The following RP2 variants were observed in gnomAD, a reference collection of about 807,000 sequenced individuals.
RP2 encodes the protein protein XRP2.
A neutral mutation model predicts 20.3 loss-of-function variants in RP2; 3 were observed. The ratio of observed to expected loss-of-function variants is 0.15; its 90% CI spans 0.07 to 0.38. The LOEUF (loss-of-function observed/expected upper bound fraction) is 0.38. RP2 is among the 10% of genes least tolerant of loss of function. The pLI, the probability that RP2 is intolerant of heterozygous loss-of-function variation, is 1.00. For synonymous variants in RP2, 75 were observed against 94.8 expected (o/e 0.79, Z 1.22); for missense variants, 233 against 268.5 (o/e 0.87, Z 0.92).
Position 46,860,027 on chromosome X carries a change from G to A in RP2, c.808G>A (p.Val270Met), listed in dbSNP as rs1925035995. ...CTTTTTCCTAGTTCAGACAAAGGAA[G>A]TGTCCATGAAAGCTGAGGATGCTCA... The part of the protein sequence containing the change: ...KGFFLVQTKE[V>M]SMKAEDAQRV... Residue 270 changes from valine (V) to methionine (M), a missense_variant, in exon 3 of 5, where the codon GTG (valine) becomes ATG (methionine). Physicochemically the swap from Val to Met is conservative, Grantham distance 21 (BLOSUM62 1). This residue lies in a region of RP2 where 118 missense variants were observed against 123.8 expected (regional missense o/e 0.95). Transcript: ENST00000218340. The A allele has an allele frequency of 2.5e-6, 3 of 1,210,871 alleles. No individual in the cohort carries two copies. Among genetic ancestry groups the A allele is most frequent in the South Asian group, 1.8e-5 (1 of 56,940 alleles).
chrX:46,856,136 T>TA (rs782813919), intron 2 of RP2, among the ~76,000 whole-genome samples: 156 of 110,685 alleles, frequency 1.4e-3, no homozygotes, highest in Non-Finnish European at 2.5e-3. Flanking sequence ...TATGGTGATT[T>TA]AAAAAAAAAC....
At chrX:46,843,239 C>T (rs992018241) in intron 1 of RP2, among the ~76,000 whole-genome samples, 2 of 110,884 alleles carry the variant, frequency 1.8e-5, no homozygotes, top group South Asian at 3.8e-4. Context: ...GATCTCCTGA[C>T]TGCGTGATCT....
Position 46,837,185 on chromosome X carries a change from T to C in RP2, c.85T>C (p.Trp29Arg). 5 of 1,168,981 alleles carry C rather than the reference T, an allele frequency of 4.3e-6. No homozygotes were observed. The highest frequency in any genetic ancestry group is 5.7e-6 in the Non-Finnish European group (5 of 873,772). ...GGAGGAGCGGCCAAAGCAGTACAGCTGGGATCAGCGCGAGAAGGTAATGAA... is the reference window on the plus strand; with the variant it reads ...GGAGGAGCGGCCAAAGCAGTACAGCCGGGATCAGCGCGAGAAGGTAATGAA... ...NEEERPKQYS[W>R]DQREKVDPKD... The change falls in exon 1 of 5, where the codon TGG becomes CGG. Residue 29 changes from tryptophan (W) to arginine (R), a missense_variant. By Grantham distance (101) the Trp-to-Arg change is moderately radical. Coordinates refer to ENST00000218340, the MANE Select transcript of RP2 (RefSeq NM_006915.3).
At chrX:46,839,285 C>T (rs1924570933) in intron 1 of RP2, among the ~76,000 whole-genome samples, 1 of 111,642 alleles carries the variant, frequency 9.0e-6, no homozygotes. Context: ...GGCATGGTGA[C>T]TCATGCCTGT....
intron 1 of RP2, among the ~76,000 whole-genome samples, chrX:46,843,746 A>T (rs1461099222): frequency 8.9e-6 from 1 of 112,096 alleles, no homozygotes; most frequent in Non-Finnish European, 1.9e-5. Context: ...AAGCTAATAT[A>T]AATGTAGTAC....
At chrX:46,847,711 C>CACATATGTGTGTGTGTATAT (rs1569531340) in intron 1 of RP2, among the ~76,000 whole-genome samples, 1 of 74,337 alleles carries the variant, frequency 1.3e-5, no homozygotes, top group African/African-American at 5.7e-5. Context: ...TGTATATATA[C>CACATATGTGTGTGTGTATAT]ACACATATAT....
chrX:46,847,026 G>A (rs1221418106), intron 1 of RP2, among the ~76,000 whole-genome samples: 12 of 111,626 alleles, frequency 1.1e-4, no homozygotes, highest in African/African-American at 3.9e-4. Flanking sequence ...ACTGCACCTC[G>A]CCTAGCTTTA....
At chrX:46,839,685 A>G (rs1556314364) in intron 1 of RP2, among the ~76,000 whole-genome samples, 1 of 112,266 alleles carries the variant, frequency 8.9e-6, no homozygotes, top group Non-Finnish European at 1.9e-5. Flanking sequence ...GCTTGCTCCT[A>G]GAAGATTTCA....
intron 1 of RP2, among the ~76,000 whole-genome samples, chrX:46,850,392 A>G (rs1390374163): frequency 6.2e-5 from 7 of 112,018 alleles, no homozygotes; most frequent in African/African-American, 2.3e-4. Flanking sequence ...CGATCAATCC[A>G]TGTTGCATGT....
In RP2 at chrX:46,880,323, T is replaced by C. The variant is rs1602356335; in HGVS notation, c.*554T>C. 1 of 112,576 alleles carries C rather than the reference T, an allele frequency of 8.9e-6. No individual in the cohort carries two copies. The highest frequency in any genetic ancestry group is 3.2e-5 in the African/African-American group (1 of 30,979). 9.3% of individuals were successfully genotyped at this position (112,576 alleles called of 1,213,427 possible). ...TGGAGTTGACATAATACTTTGTAAA[T>C]TGAATTTTTTAAAGAAATAGGCATT... On this transcript the variant is annotated 3_prime_UTR_variant, in exon 5 of 5. Coordinates refer to ENST00000218340, the MANE Select transcript of RP2 (RefSeq NM_006915.3).
intron 3 of RP2, among the ~76,000 whole-genome samples, chrX:46,874,156 G>A (rs1229093516): frequency 4.5e-5 from 5 of 111,627 alleles, no homozygotes; most frequent in Non-Finnish European, 7.5e-5. Flanking sequence ...TTTTTTGTTG[G>A]AAAATTATTA....
At chrX:46,842,812 T>C (rs1556315187) in intron 1 of RP2, among the ~76,000 whole-genome samples, 1 of 111,826 alleles carries the variant, frequency 8.9e-6, no homozygotes, top group East Asian at 2.8e-4. Context: ...TTTATTCTAT[T>C]GTATGGATAT....
rs782384494 is a variant in RP2, at chrX:46,847,757, T to C, written c.103-5719T>C. Among the ~76,000 whole-genome samples, 199 of 87,495 alleles carry C rather than the reference T, an allele frequency of 2.3e-3. 1 individual carries two copies. The highest frequency in any genetic ancestry group is 8.3e-3 in the Admixed American group (71 of 8,557). The allele number at this position is 87,495 out of a possible 115,157, so 76.0% of individuals were successfully genotyped here. On this transcript the variant is annotated intron_variant, in intron 1 of 4. Transcript: ENST00000218340. ...ATATACACACATATGTGTGTGTGTA[T>C]ATACACACATGTGTGTGTGTACATA...
chrX:46,867,700 A>G (rs782722062), intron 3 of RP2, among the ~76,000 whole-genome samples: 6 of 105,083 alleles, frequency 5.7e-5, no homozygotes, highest in Admixed American at 1.0e-4. Context: ...TCTACTCTCT[A>G]TCTTCATGAG....
chrX:46,876,292 T>A (rs1925373124), intron 3 of RP2, among the ~76,000 whole-genome samples: 1 of 110,539 alleles, frequency 9.0e-6, no homozygotes, highest in African/African-American at 3.3e-5. Flanking sequence ...GCTAATTTTT[T>A]AATTTTTTGT....
chrX:46,850,756 T>C (rs1184179502), intron 1 of RP2, among the ~76,000 whole-genome samples: 3 of 111,989 alleles, frequency 2.7e-5, no homozygotes, highest in Non-Finnish European at 5.6e-5. Context: ...GTCCCTTCTC[T>C]GTCCCCTCCA....
rs782285099 is a variant in RP2, at chrX:46,847,798, GTATA to G, written c.103-5671_103-5668del. The stretch of plus-strand genomic sequence containing the variant: ...TGTGTACATACACACATGTGTGTGT[GTATA>G]TATATACACACATATATGTGTATAT... On this transcript the variant is annotated intron_variant, in intron 1 of 4. Coordinates refer to ENST00000218340, the MANE Select transcript of RP2 (RefSeq NM_006915.3). Among the ~76,000 whole-genome samples, 197 of 77,224 alleles carry G rather than the reference GTATA, an allele frequency of 2.6e-3. 1 individual carries two copies. Among genetic ancestry groups the G allele is most frequent in the African/African-American group, 9.6e-3 (173 of 17,977 alleles). The allele number at this position is 77,224 out of a possible 115,157, so 67.1% of individuals were successfully genotyped here.
chrX:46,872,442 A>T (rs1925307958), intron 3 of RP2, among the ~76,000 whole-genome samples: 1 of 111,700 alleles, frequency 9.0e-6, no homozygotes, highest in South Asian at 3.7e-4. Flanking sequence ...TCTTTTTAGC[A>T]GTTTTGTAAT....
intron 3 of RP2, among the ~76,000 whole-genome samples, chrX:46,864,346 T>C (rs1312929510): frequency 5.9e-5 from 6 of 102,472 alleles, no homozygotes; most frequent in Non-Finnish European, 7.9e-5. Context: ...TTCCTTCCTT[T>C]CTTTTTTTTT....
Sources: gnomAD v4.1 joint callset for allele counts (sites outside exome capture counted in the v4.1 genomes callset) on GRCh38, gnomAD v4.1.1 for gene constraint, gnomAD v4.1.1 regional missense constraint, MANE v1.5 for transcripts, NCBI Gene and HGNC (gene_info 2026-07-23, HGNC 2026-07-21) for gene names.